Variants in ZNF710 observed in about 807,000 individuals in gnomAD.
ZNF710 encodes the protein zinc finger protein 710.
ZNF710 carries 13 observed loss-of-function variants against 50.6 expected under a neutral mutation model. The observed-to-expected ratio is 0.26, with a 90% confidence interval of 0.17 to 0.41. The LOEUF (loss-of-function observed/expected upper bound fraction) is 0.41. Among genes scored for constraint, ZNF710 ranks in the 10% least tolerant of loss-of-function variants. ZNF710 has a pLI of 1.00. For synonymous variants in ZNF710, 383 were observed against 397.0 expected (o/e 0.96, Z 0.42); for missense variants, 721 against 936.6 (o/e 0.77, Z 3.01).
intron 1 of ZNF710, among the ~76,000 whole-genome samples, chr15:90,003,849 C>G (rs889873704): frequency 2.0e-5 from 3 of 152,126 alleles, no homozygotes; most frequent in African/African-American, 7.2e-5. Flanking sequence ...ACCTGGTGCC[C>G]CAGTGACCTT....
rs140842158 is a variant in ZNF710 at position 90,059,714 on chromosome 15, G to T, written c.-28-7396G>T. On this transcript the variant is annotated intron_variant, in intron 1 of 4. Coordinates refer to ENST00000268154, the MANE Select transcript of ZNF710 (RefSeq NM_198526.4). The surrounding 1 kb of genome is among the most constrained non-coding windows in gnomAD (Gnocchi z 4.1). ...GGCAGAAGTGAGACTGTGGCAAGGG[G>T]CCCCGAGGCACAGGCCTTCCAGCTC... Among the ~76,000 whole-genome samples, 1 of 152,328 alleles carries T rather than the reference G, an allele frequency of 6.6e-6. No individual in the cohort carries two copies. The highest frequency in any genetic ancestry group is 1.9e-4 in the East Asian group (1 of 5,176).
intron 4 of ZNF710, chr15:90,074,961 T>G (rs1357178111): frequency 5.7e-6 from 1 of 174,544 alleles, no homozygotes; most frequent in Non-Finnish European, 1.2e-5. Flanking sequence ...CAGACAGCCC[T>G]GACGTTAAGA....
chr15:90,068,108 CGT>C lies in ZNF710; in HGVS notation c.973_974del (p.Cys325ProfsTer77). 1 of 1,614,252 alleles carries C rather than the reference CGT, an allele frequency of 6.2e-7. No homozygotes were observed. Among genetic ancestry groups the C allele is most frequent in the Non-Finnish European group, 8.5e-7 (1 of 1,180,044 alleles). On this transcript the variant is annotated frameshift_variant, in exon 2 of 5. Coordinates refer to ENST00000268154, the MANE Select transcript of ZNF710 (RefSeq NM_198526.4). LOFTEE classifies it high-confidence loss of function. This position sits in a 1 kb window ranked among gnomAD's most constrained non-coding sequence, Gnocchi z 5.0. ...GGCCACAACGGCATCAAGCCACACT[CGT>C]GCCCACACTGCAGCAAGCTCTTCAA... is the stretch of plus-strand genomic sequence containing the variant.
intron 1 of ZNF710, among the ~76,000 whole-genome samples, chr15:90,043,668 C>T (rs1213256036): frequency 6.6e-6 from 1 of 152,204 alleles, no homozygotes; most frequent in East Asian, 1.9e-4. Flanking sequence ...TTGGCACCGC[C>T]TGTGAATGAG....
intron 1 of ZNF710, among the ~76,000 whole-genome samples, chr15:90,038,594 T>G (rs552787049): frequency 6.6e-6 from 1 of 152,294 alleles, no homozygotes; most frequent in South Asian, 2.1e-4. Context: ...TTTCCCCAGT[T>G]GAACTCCAAA....
chr15:90,054,722 C>A (rs533240839), intron 1 of ZNF710, among the ~76,000 whole-genome samples: 1 of 152,318 alleles, frequency 6.6e-6, no homozygotes, highest in African/African-American at 2.4e-5. Context: ...GAAGTTTTGT[C>A]TGCTTTTCCC....
At chr15:90,056,109 C>T (rs1899806550) in intron 1 of ZNF710, among the ~76,000 whole-genome samples, 1 of 143,634 alleles carries the variant, frequency 7.0e-6, no homozygotes, top group African/African-American at 2.6e-5. Context: ...GAGCAAGACT[C>T]CATCTTAAAA....
At chr15:90,049,836 A>G (rs2151505759) in intron 1 of ZNF710, among the ~76,000 whole-genome samples, 1 of 152,310 alleles carries the variant, frequency 6.6e-6, no homozygotes, top group East Asian at 1.9e-4. Context: ...TGGGATGCCC[A>G]TCATGTGGCT....
intron 2 of ZNF710, among the ~76,000 whole-genome samples, chr15:90,071,643 C>T (rs190466102): frequency 3.4e-4 from 51 of 150,536 alleles, no homozygotes; most frequent in Admixed American, 9.3e-4. Flanking sequence ...CAGCTCCCAA[C>T]TTAAAAAAAA....
intron 1 of ZNF710, among the ~76,000 whole-genome samples, chr15:90,010,805 T>C (rs1274281217): frequency 6.6e-6 from 1 of 152,174 alleles, no homozygotes; most frequent in Non-Finnish European, 1.5e-5. Flanking sequence ...GGTGGGAGTG[T>C]AGTGGCAGGA....
Position 90,068,157 on chromosome 15 carries a change from G to C in ZNF710, c.1020G>C (p.Thr340=). The change falls in exon 2 of 5, where the codon ACG becomes ACC. Residue 340 remains threonine, a synonymous_variant. Coordinates refer to ENST00000268154, the MANE Select transcript of ZNF710 (RefSeq NM_198526.4). The surrounding 1 kb of genome is among the most constrained non-coding windows in gnomAD (Gnocchi z 5.0). ...TCAAGCAGCCCAGCCACCTGCAGAC[G>C]CACCTGCTGACGCACCAGGGCACCC... ...KLFKQPSHLQ[T]HLLTHQGTRP... is the part of the protein sequence containing the mutation. 5 of 1,614,200 alleles carry C rather than the reference G, an allele frequency of 3.1e-6. No individual in the cohort carries two copies. Among genetic ancestry groups the C allele is most frequent in the Non-Finnish European group, 4.2e-6 (5 of 1,180,052 alleles).
rs372425290 is a variant in ZNF710 at position 90,031,018 on chromosome 15, C to CAAAAAAAAA, written c.-29+29405_-29+29413dup. Reference sequence around the variant, plus strand: ...TGGGCGACAGAGCGAGACTCCGTCTCAAAAAAAAAGAAAAAAAAAAAAATG... The same window carrying CAAAAAAAAA: ...TGGGCGACAGAGCGAGACTCCGTCTCAAAAAAAAAAAAAAAAAAGAAAAAAAAAAAAATG... On this transcript the variant is annotated intron_variant, in intron 1 of 4. Coordinates refer to ENST00000268154, the MANE Select transcript of ZNF710 (RefSeq NM_198526.4). Among the ~76,000 whole-genome samples, 11 of 89,748 alleles carry CAAAAAAAAA rather than the reference C, an allele frequency of 1.2e-4. 1 individual carries two copies. Among genetic ancestry groups the CAAAAAAAAA allele is most frequent in the African/African-American group, 2.3e-4 (4 of 17,564 alleles). 58.9% of individuals were successfully genotyped at this position (89,748 alleles called of 152,430 possible). A position where few individuals can be genotyped will look rare whatever the true frequency, so the allele number is the denominator to read the frequency against.
chr15:90,028,647 A>C (rs1268768434), intron 1 of ZNF710, among the ~76,000 whole-genome samples: 1 of 152,166 alleles, frequency 6.6e-6, no homozygotes, highest in Non-Finnish European at 1.5e-5. Flanking sequence ...ATTACCTGAC[A>C]TTTGCCTCTT....
In ZNF710 at chr15:90,034,274, T is replaced by C. The variant is rs891253973; in HGVS notation, c.-29+32660T>C. ...CTCCTGGAGGGGTTCTTCTGCCAGA[T>C]AGAAACAAGATATCACATGCAAGAG... On this transcript the variant is annotated intron_variant, in intron 1 of 4. Transcript: ENST00000268154. This position sits in a 1 kb window ranked among gnomAD's most constrained non-coding sequence, Gnocchi z 4.0. Among the ~76,000 whole-genome samples the C allele has an allele frequency of 1.3e-5, 2 of 152,054 alleles. No homozygotes were observed. Among genetic ancestry groups the C allele is most frequent in the Non-Finnish European group, 2.9e-5 (2 of 67,998 alleles).
chr15:90,060,798 G>A (rs1205684657), intron 1 of ZNF710, among the ~76,000 whole-genome samples: 1 of 152,228 alleles, frequency 6.6e-6, no homozygotes, highest in Non-Finnish European at 1.5e-5. Flanking sequence ...AGAGGTTGCA[G>A]TGATCCAGTA....
intron 1 of ZNF710, chr15:90,025,223 G>A (rs1196231491): frequency 6.6e-6 from 1 of 152,084 alleles, no homozygotes; most frequent in African/African-American, 2.4e-5. Context: ...ACCGTCTGCA[G>A]GCATCAACAC....
intron 1 of ZNF710, among the ~76,000 whole-genome samples, chr15:90,063,009 T>A (rs1478245378): frequency 6.6e-6 from 1 of 152,036 alleles, no homozygotes; most frequent in Non-Finnish European, 1.5e-5. Flanking sequence ...ACTGCCCAGG[T>A]GGGCAGTGGC....
At position 90,067,976 on chromosome 15, in the gene ZNF710, T is replaced by C; in HGVS notation, c.839T>C (p.Ile280Thr). 6.2e-7 allele frequency: 1 copy of C among 1,614,180 alleles called. No homozygotes were observed. Among genetic ancestry groups the C allele is most frequent in the Non-Finnish European group, 8.5e-7 (1 of 1,180,042 alleles). The change falls in exon 2 of 5, where the codon ATT (isoleucine) becomes ACT (threonine). Residue 280 changes from isoleucine to threonine, a missense_variant. Ile to Thr is a moderately conservative substitution (Grantham distance 89, BLOSUM62 -1). Coordinates refer to ENST00000268154, the MANE Select transcript of ZNF710 (RefSeq NM_198526.4). This position sits in a 1 kb window ranked among gnomAD's most constrained non-coding sequence, Gnocchi z 8.1. ...QLDRLDINVQ[I>T]DDSYLVEAGD... The stretch of plus-strand genomic sequence containing the variant: ...GATCGGCTGGACATCAACGTGCAGA[T>C]TGACGACTCCTATCTGGTGGAGGCG...
At chr15:90,022,403 G>A (rs561899912) in intron 1 of ZNF710, among the ~76,000 whole-genome samples, 3 of 152,120 alleles carry the variant, frequency 2.0e-5, no homozygotes, top group Non-Finnish European at 4.4e-5. Context: ...CAAAAAGGAG[G>A]CATGGGGGAC....
Sources: gnomAD v4.1 joint callset for allele counts (sites outside exome capture counted in the v4.1 genomes callset) on GRCh38, gnomAD v4.1.1 for gene constraint, Gnocchi (gnomAD v3.1) non-coding constraint, MANE v1.5 for transcripts, NCBI Gene and HGNC (gene_info 2026-07-23, HGNC 2026-07-21) for gene names.